SERPINE3: variants seen among roughly 807,000 people sequenced by gnomAD.
SERPINE3 encodes the protein serpin family E member 3, also known as serpin E3.
A neutral mutation model predicts 41.7 loss-of-function variants in SERPINE3; 43 were observed. The ratio of observed to expected loss-of-function variants is 1.03; its 90% CI spans 0.81 to 1.33. The LOEUF (loss-of-function observed/expected upper bound fraction) is 1.33. SERPINE3 is among the 40% of genes most tolerant of loss of function. The pLI is 0.00. For synonymous variants in SERPINE3, 200 were observed against 192.2 expected (o/e 1.04, Z -0.34); for missense variants, 440 against 491.7 (o/e 0.89, Z 0.99).
rs1216464192 is a variant in SERPINE3, at chr13:51,340,860, CAGTG to C, written c.-18+3_-18+6del. On this transcript the variant is annotated splice_donor_variant and splice_donor_region_variant and 5_prime_UTR_variant and intron_variant, in exon 2 of 10. Transcript: ENST00000681248. LOFTEE classifies it low-confidence loss of function (5UTR_SPLICE). ...CCACAGTTTGGCTGCCAAAGGACCA[CAGTG>C]AGTATTTCTAATGCTGAAACAAGAG... 1 of 580,700 alleles carries C rather than the reference CAGTG, an allele frequency of 1.7e-6. No individual in the cohort carries two copies. Among genetic ancestry groups the C allele is most frequent in the Non-Finnish European group, 3.1e-6 (1 of 326,356 alleles). The allele number at this position is 580,700 out of a possible 1,614,324, so 36.0% of individuals were successfully genotyped here. A position where few individuals can be genotyped will look rare whatever the true frequency, so the allele number is the denominator to read the frequency against.
chr13:51,346,998 A>G, intron 4 of SERPINE3, 27 bp from the exon 5 acceptor site: 1 of 1,533,238 alleles, frequency 6.5e-7, no homozygotes, highest in Non-Finnish European at 8.9e-7. Context: ...CATTTAACCC[A>G]TGGCCACCTT....
chr13:51,357,538 T>C (rs1484271860), intron 7 of SERPINE3, among the ~76,000 whole-genome samples: 1 of 152,088 alleles, frequency 6.6e-6, no homozygotes, highest in African/African-American at 2.4e-5. Flanking sequence ...CCCAGAATCA[T>C]TTTACTCAAA....
At position 51,341,193 on chromosome 13, in the gene SERPINE3, A is replaced by C; in HGVS notation, c.102A>C (p.Ala34=). The change falls in exon 3 of 10, where the codon GCA becomes GCC. Residue 34 remains alanine (A), a synonymous_variant. Coordinates refer to ENST00000681248, the MANE Select transcript of SERPINE3 (RefSeq NM_001386375.1). The stretch of plus-strand genomic sequence containing the variant: ...TGACATTGCTGAAGACTGAGTTTGC[A>C]CTTCACCTCTACCAGAGTGTGGCCG... ...EGMTLLKTEF[A]LHLYQSVAAC... is the part of the protein sequence containing the mutation. 15 of 1,613,962 alleles carry C rather than the reference A, an allele frequency of 9.3e-6. No individual in the cohort carries two copies. Among genetic ancestry groups the C allele is most frequent in the Non-Finnish European group, 1.3e-5 (15 of 1,179,868 alleles).
intron 8 of SERPINE3, 121 bp downstream of exon 8, chr13:51,361,485 A>AT (rs1955573873): frequency 5.7e-6 from 4 of 698,712 alleles, no homozygotes; most frequent in Non-Finnish European, 9.7e-6. Flanking sequence ...GTGGTGTAGT[A>AT]TTTTTTAAAA....
intron 6 of SERPINE3, among the ~76,000 whole-genome samples, chr13:51,351,633 G>C (rs77695642): frequency 0.04 from 6,089 of 152,060 alleles, 284 homozygotes; most frequent in African/African-American, 0.11. Flanking sequence ...TTGTTAATTT[G>C]GATGAAGCTC....
intron 7 of SERPINE3, among the ~76,000 whole-genome samples, chr13:51,356,972 T>A (rs1379111652): frequency 6.6e-6 from 1 of 152,158 alleles, no homozygotes; most frequent in Non-Finnish European, 1.5e-5. Context: ...GTTTTGTTCC[T>A]CTAAAGCAGG....
intron 6 of SERPINE3, among the ~76,000 whole-genome samples, chr13:51,351,378 T>C (rs1955401381): frequency 6.6e-6 from 1 of 152,182 alleles, no homozygotes; most frequent in African/African-American, 2.4e-5. Context: ...GTGGACTTCA[T>C]TTGCATTTCC....
intron 3 of SERPINE3, among the ~76,000 whole-genome samples, chr13:51,341,773 T>C (rs929357801): frequency 9.2e-5 from 14 of 152,194 alleles, no homozygotes; most frequent in Non-Finnish European, 1.6e-4. Flanking sequence ...TTGAGGATGA[T>C]AATTTTATTA....
chr13:51,341,661 T>C (rs892168846), intron 3 of SERPINE3, among the ~76,000 whole-genome samples: 13 of 152,214 alleles, frequency 8.5e-5, no homozygotes, highest in Non-Finnish European at 1.6e-4. Flanking sequence ...TGGCAATGTT[T>C]CAGTTTCATT....
At chr13:51,362,375 G>A (rs112585939) in intron 9 of SERPINE3, 1 of 168,604 alleles carries the variant, frequency 5.9e-6, no homozygotes, top group South Asian at 1.7e-4. Flanking sequence ...TCAAATGTTT[G>A]CCCTAGTACT....
intron 6 of SERPINE3, among the ~76,000 whole-genome samples, chr13:51,350,359 C>A (rs1410258036): frequency 6.6e-6 from 1 of 151,992 alleles, no homozygotes; most frequent in Non-Finnish European, 1.5e-5. Context: ...TCAAGAAAAC[C>A]AAGAATGTGT....
chr13:51,353,075 T>C (rs9535650), intron 6 of SERPINE3, among the ~76,000 whole-genome samples: 66,521 of 151,874 alleles, frequency 0.44, 15,369 homozygotes, highest in African/African-American at 0.59. Flanking sequence ...AATATCCTTG[T>C]CTGGTATTGG....
In SERPINE3 at chr13:51,347,096, CTTGTGA is replaced by C. The variant is rs2137777499; in HGVS notation, c.563_568del (p.Leu188_Ser190delinsArg). The C allele has an allele frequency of 6.2e-7, 1 of 1,609,648 alleles. No individual in the cohort carries two copies. Among genetic ancestry groups the C allele is most frequent in the East Asian group, 2.2e-5 (1 of 44,746 alleles). ...CAGTGCAGCATTTGCTCAGCTTGTGCTTGTGAGCACCATGTCCTTCCAAGGCACTTG... is the reference window on the plus strand; with the variant it reads ...CAGTGCAGCATTTGCTCAGCTTGTGCGCACCATGTCCTTCCAAGGCACTTG... On this transcript the variant is annotated inframe_deletion, in exon 5 of 10. Coordinates refer to ENST00000681248, the MANE Select transcript of SERPINE3 (RefSeq NM_001386375.1).
intron 7 of SERPINE3, among the ~76,000 whole-genome samples, chr13:51,358,198 G>A (rs1955510880): frequency 6.6e-6 from 1 of 152,080 alleles, no homozygotes; most frequent in South Asian, 2.1e-4. Flanking sequence ...CTTAGTGTTA[G>A]CAACTAAGTG....
At chr13:51,346,719 G>A (rs979755437) in intron 4 of SERPINE3, among the ~76,000 whole-genome samples, 1 of 152,122 alleles carries the variant, frequency 6.6e-6, no homozygotes, top group Non-Finnish European at 1.5e-5. Context: ...CTCTGGCCCT[G>A]TGAGGTTATC....
At position 51,361,420 on chromosome 13, in the gene SERPINE3, T is replaced by G. The variant is rs1025135620; in HGVS notation, c.1087+56T>G. ...TTACCCATATCTACCTTTCTGAAATTTACCTAGTTGAATCTTCACACTTCT... is the reference window on the plus strand; with the variant it reads ...TTACCCATATCTACCTTTCTGAAATGTACCTAGTTGAATCTTCACACTTCT... On this transcript the variant is annotated intron_variant, in intron 8 of 9. Transcript: ENST00000681248. The G allele has an allele frequency of 2.3e-5, 25 of 1,070,856 alleles. No individual in the cohort carries two copies. The African/African-American group carries it at 3.1e-4, about 13-fold the overall frequency. The allele number at this position is 1,070,856 out of a possible 1,614,324, so 66.3% of individuals were successfully genotyped here.
Position 51,339,703 on chromosome 13 carries a change from AG to A in SERPINE3, c.-135del, listed in dbSNP as rs1955271984. Reference sequence around the variant, plus strand: ...ATGAATGCTGGAGACCCACAAGAACAGAGTCGAGCAAGGAAACGTGCAACAG... The same window carrying A: ...ATGAATGCTGGAGACCCACAAGAACAAGTCGAGCAAGGAAACGTGCAACAG... On this transcript the variant is annotated 5_prime_UTR_variant, in exon 1 of 10. Transcript: ENST00000681248. 2 of 152,216 alleles carry A rather than the reference AG, an allele frequency of 1.3e-5. No homozygotes were observed. The highest frequency in any genetic ancestry group is 6.6e-5 in the Admixed American group (1 of 15,260). The allele number at this position is 152,216 out of a possible 1,614,324, so 9.4% of individuals were successfully genotyped here.
rs1051007781 is a variant in SERPINE3, at chr13:51,339,752, G to A, written c.-96+9G>A. The A allele has an allele frequency of 6.6e-6, 1 of 152,250 alleles. No homozygotes were observed. Among genetic ancestry groups the A allele is most frequent in the Admixed American group, 6.5e-5 (1 of 15,286 alleles). The allele number at this position is 152,250 out of a possible 1,614,324, so 9.4% of individuals were successfully genotyped here. On this transcript the variant is annotated intron_variant, in intron 1 of 9. Coordinates refer to ENST00000681248, the MANE Select transcript of SERPINE3 (RefSeq NM_001386375.1). ...CAGTGATACAAAAGTCTGTGAGTAC[G>A]TGGCTCATTCGAGGTGAGCCATGAC...
intron 7 of SERPINE3, among the ~76,000 whole-genome samples, chr13:51,355,465 A>T (rs1955467264): frequency 6.6e-6 from 1 of 152,070 alleles, no homozygotes; most frequent in African/African-American, 2.4e-5. Context: ...GCAGCAATAG[A>T]TTCTTCATTA....
Sources: gnomAD v4.1 joint callset for allele counts (sites outside exome capture counted in the v4.1 genomes callset) on GRCh38, gnomAD v4.1.1 for gene constraint, MANE v1.5 for transcripts, NCBI Gene and HGNC (gene_info 2026-07-23, HGNC 2026-07-21) for gene names.